Variants in MFSD12 observed in about 807,000 individuals in gnomAD.
MFSD12 encodes major facilitator superfamily domain containing 12, also known as major facilitator superfamily domain-containing protein 12.
Under a neutral mutation model 51.2 loss-of-function variants are expected in MFSD12, and 67 were observed. The observed-to-expected ratio is 1.31, with a 90% confidence interval of 1.08 to 1.60. The LOEUF is 1.60. Ranked by LOEUF, MFSD12 falls within the 40% of genes most tolerant of loss-of-function variation. MFSD12 has a pLI of 0.00. For synonymous variants in MFSD12, 441 were observed against 316.7 expected, an observed-to-expected ratio of 1.39 and a Z score of -4.17; for missense variants, 921 against 673.0, an observed-to-expected ratio of 1.37 and a Z score of -4.08.
chr19:3,546,100 C>G lies in MFSD12; in HGVS notation c.1263G>C (p.Met421Ile). The change falls in exon 8 of 10, where the codon ATG becomes ATC. Residue 421 changes from methionine (M) to isoleucine (I), a missense_variant. Met to Ile is a conservative substitution (Grantham distance 10). Transcript: ENST00000355415. Reference sequence around the variant, plus strand: ...GGCAAGGGTGCAGGCTCTGGATGGCCATGACTGCCAGCCCATTGGCCACCT... The same window carrying G: ...GGCAAGGGTGCAGGCTCTGGATGGCGATGACTGCCAGCCCATTGGCCACCT... Reference protein sequence around the residue: ...LDKVANGLAVMAIQSLHPCPS... With the variant: ...LDKVANGLAVIAIQSLHPCPS... 4 of 1,613,376 alleles carry G rather than the reference C, an allele frequency of 2.5e-6. No homozygotes were observed. The highest frequency in any genetic ancestry group is 3.4e-6 in the Non-Finnish European group (4 of 1,179,980).
chr19:3,544,825 C>A lies in MFSD12; in HGVS notation c.1404G>T (p.Pro468=), dbSNP rs142464227. 50 of 1,612,298 alleles carry A rather than the reference C, an allele frequency of 3.1e-5. No homozygotes were observed. The highest frequency in any genetic ancestry group is 4.0e-5 in the Non-Finnish European group (47 of 1,179,498). Residue 468 remains proline, a synonymous_variant, in exon 9 of 10, where the codon CCG becomes CCT. Transcript: ENST00000355415. ...AGGACTCACAGCGTCGCAGGCGGGT[C>A]GGCCACAGCAGGAGGCTACAGAGAC... ...ALCLCSLLLW[P]TRLRRWDRDA... is the part of the protein sequence containing the mutation.
rs939554389 is a variant in MFSD12, at chr19:3,551,220, C to A, written c.299-26G>T. The A allele has an allele frequency of 3.9e-6, 6 of 1,551,520 alleles. No individual in the cohort carries two copies. Among genetic ancestry groups the A allele is most frequent in the African/African-American group, 1.4e-5 (1 of 73,772 alleles). Reference sequence around the variant, plus strand: ...CTGTGGAAGGCAGAGTGGTCAGTCGCGGGGCTGTCCCGCACCAGCCAGGGC... The same window carrying A: ...CTGTGGAAGGCAGAGTGGTCAGTCGAGGGGCTGTCCCGCACCAGCCAGGGC... On this transcript the variant is annotated intron_variant, in intron 1 of 9. Transcript: ENST00000355415. This position sits in a 1 kb window ranked among gnomAD's most constrained non-coding sequence, Gnocchi z 4.6.
chr19:3,556,948 G>A (rs1162199674), intron 1 of MFSD12, among the ~76,000 whole-genome samples, 158 bp downstream of exon 1: 1 of 152,212 alleles, frequency 6.6e-6, no homozygotes, highest in African/African-American at 2.4e-5. Context: ...GCCGTGGACA[G>A]ACAGTGCAGG....
downstream of MFSD12, chr19:3,542,119 CTGTTTTAATTG>C (rs2030468341): frequency 3.0e-6 from 3 of 985,178 alleles, no homozygotes; most frequent in African/African-American, 5.2e-5. Flanking sequence ...CAATTTTGTG[CTGTTTTAATTG>C]TGTTTTAAAA....
Position 3,551,111 on chromosome 19 carries a change from G to A in MFSD12, c.382C>T (p.Leu128Phe). 6.2e-7 allele frequency: 1 copy of A among 1,613,126 alleles called. No homozygotes were observed. Among genetic ancestry groups the A allele is most frequent in the African/African-American group, 1.3e-5 (1 of 75,068 alleles). Residue 128 changes from leucine to phenylalanine, a missense_variant, in exon 2 of 10, where the codon CTC (leucine) becomes TTC (phenylalanine). Transcript: ENST00000355415. This position sits in a 1 kb window ranked among gnomAD's most constrained non-coding sequence, Gnocchi z 4.6. ...CGAATPEWAA[L>F]LYYGPFIVIF... ...ACGATGAACGGGCCGTAGTAGAGGA[G>A]GGCAGCCCACTCGGGCGTGGCCGCC...
chr19:3,547,879 T>C lies in MFSD12; in HGVS notation c.806A>G (p.Lys269Arg), dbSNP rs905318915. 2 of 1,543,586 alleles carry C rather than the reference T, an allele frequency of 1.3e-6. No homozygotes were observed. Among genetic ancestry groups the C allele is most frequent in the African/African-American group, 2.8e-5 (2 of 71,644 alleles). The change falls in exon 4 of 10, where the codon AAG (lysine) becomes AGG (arginine). Residue 269 changes from lysine to arginine, a missense_variant. Coordinates refer to ENST00000355415, the MANE Select transcript of MFSD12 (RefSeq NM_174983.5). ...PATAQPLLLW[K>R]HWLREPAFYQ... The stretch of plus-strand genomic sequence containing the variant: ...GAAAGCCGGCTCCCGGAGCCAGTGC[T>C]TCCAGAGCAGCAGGGGCTGGGCCGT...
intron 1 of MFSD12, among the ~76,000 whole-genome samples, chr19:3,555,250 A>G (rs1195067551): frequency 1.3e-5 from 2 of 152,106 alleles, no homozygotes; most frequent in Non-Finnish European, 2.9e-5. Flanking sequence ...CTGGGATTAC[A>G]GGCGTGCGCC....
At chr19:3,556,390 G>T (rs1256758886) in intron 1 of MFSD12, among the ~76,000 whole-genome samples, 1 of 152,258 alleles carries the variant, frequency 6.6e-6, no homozygotes, top group Non-Finnish European at 1.5e-5. Context: ...TAGTCAGATG[G>T]TGAGGGCCCC....
In MFSD12 at chr19:3,546,349, G is replaced by T; in HGVS notation, c.1100C>A (p.Ala367Asp). 6.2e-7 allele frequency: 1 copy of T among 1,607,748 alleles called. No homozygotes were observed. Among genetic ancestry groups the T allele is most frequent in the Non-Finnish European group, 8.5e-7 (1 of 1,177,962 alleles). ...CAGCAGCACAGCCGCTGCGTACACG[G>T]CCACACCCAGTCCCTCCGCCAGCGC... ...WVALAEGLGV[A>D]VYAAAVLLGA... The change falls in exon 7 of 10, where the codon GCC becomes GAC. Residue 367 changes from alanine to aspartate, a missense_variant. By Grantham distance (126) the Ala-to-Asp change is moderately radical (BLOSUM62 -2). Coordinates refer to ENST00000355415, the MANE Select transcript of MFSD12 (RefSeq NM_174983.5).
At chr19:3,550,387 A>G (rs1355459617) in intron 2 of MFSD12, among the ~76,000 whole-genome samples, 1 of 151,994 alleles carries the variant, frequency 6.6e-6, no homozygotes, top group African/African-American at 2.4e-5. Flanking sequence ...TGTCTCTACA[A>G]AAACTTTTTG....
chr19:3,542,891 G>A (rs780131991), downstream of MFSD12: 103 of 1,408,684 alleles, frequency 7.3e-5, 2 homozygotes, highest in South Asian at 7.0e-4. Context: ...GGACTTGTGG[G>A]TCTTGGAGGC....
At chr19:3,543,656 A>G, downstream of MFSD12, 4 of 1,542,376 alleles carry the variant, frequency 2.6e-6, no homozygotes, top group Non-Finnish European at 3.5e-6. Context: ...GTGGAAAGAC[A>G]GGCCAATCCG....
intron 6 of MFSD12, among the ~76,000 whole-genome samples, chr19:3,546,908 A>G (rs1408117897): frequency 1.3e-5 from 2 of 149,954 alleles, no homozygotes; most frequent in Middle Eastern, 3.4e-3. Flanking sequence ...ATCTCATCTC[A>G]CTGCAAGCTC....
chr19:3,540,477 C>T (rs1368166605), downstream of MFSD12, among the ~76,000 whole-genome samples: 9 of 150,540 alleles, frequency 6.0e-5, no homozygotes, highest in African/African-American at 1.2e-4. Context: ...AGGATGGTCT[C>T]GATCTCCTGA....
rs181796216 is a variant in MFSD12, at chr19:3,553,964, C to G, written c.299-2770G>C. On this transcript the variant is annotated intron_variant, in intron 1 of 9. Transcript: ENST00000355415. The stretch of plus-strand genomic sequence containing the variant: ...GGGCATGGTGGCACGAGCCTGTAGT[C>G]CCAGCTACTCGGGAGGCTGAGGCAG... Among the ~76,000 whole-genome samples, 3 of 152,010 alleles carry G rather than the reference C, an allele frequency of 2.0e-5. No individual in the cohort carries two copies. The East Asian group carries it at 5.8e-4, about 29-fold the overall frequency.
downstream of MFSD12, chr19:3,544,158 C>T: frequency 7.2e-7 from 1 of 1,386,926 alleles, no homozygotes; most frequent in Non-Finnish European, 9.4e-7. Flanking sequence ...GCCCAGGCTA[C>T]CCCTGCCCAG....
At chr19:3,540,267 T>G (rs1043341526), downstream of MFSD12, among the ~76,000 whole-genome samples, 8 of 150,190 alleles carry the variant, frequency 5.3e-5, no homozygotes, top group South Asian at 2.1e-4. Flanking sequence ...TAATTTTTGT[T>G]TTTTTTTTTG....
At chr19:3,554,430 C>T (rs907256598) in intron 1 of MFSD12, among the ~76,000 whole-genome samples, 1 of 148,130 alleles carries the variant, frequency 6.8e-6, no homozygotes, top group African/African-American at 2.5e-5. Flanking sequence ...GAGTGAGACT[C>T]TGTCTCAACA....
chr19:3,541,064 G>A (rs2030361067), downstream of MFSD12, among the ~76,000 whole-genome samples: 1 of 150,074 alleles, frequency 6.7e-6, no homozygotes, highest in Non-Finnish European at 1.5e-5. Context: ...AGCTACTCGG[G>A]AGGCTGAGGC....
Sources: allele counts gnomAD v4.1 joint callset (sites outside exome capture counted in the v4.1 genomes callset), GRCh38; gene constraint gnomAD v4.1.1; non-coding constraint Gnocchi (gnomAD v3.1); transcripts MANE v1.5; gene names NCBI Gene and HGNC (gene_info 2026-07-23, HGNC 2026-07-21).